Variants in IFT80 observed in about 807,000 individuals in gnomAD.
The protein encoded by IFT80 is intraflagellar transport 80.
In IFT80, 79 loss-of-function variants were observed where a neutral mutation model predicts 107.9. The ratio of observed to expected loss-of-function variants is 0.73; its 90% CI spans 0.61 to 0.88. IFT80 has a LOEUF of 0.88. IFT80 is among the 40% of genes least tolerant of loss of function. The pLI is 0.00. For missense variants in IFT80, 797 were observed against 914.2 expected (o/e 0.87, Z 1.65); for synonymous variants, 299 against 300.9 (o/e 0.99, Z 0.07).
At chr3:160,393,772 G>A (rs1298634659) in intron 1 of IFT80, among the ~76,000 whole-genome samples, 1 of 152,178 alleles carries the variant, frequency 6.6e-6, no homozygotes, top group Non-Finnish European at 1.5e-5. Context: ...GGGAGACCAT[G>A]ACTTGTCAAC....
chr3:160,345,277 T>C (rs563446831), intron 8 of IFT80, among the ~76,000 whole-genome samples: 34 of 152,286 alleles, frequency 2.2e-4, no homozygotes, highest in African/African-American at 8.2e-4. Context: ...GATCCTGTTA[T>C]TTGCAATAAC....
chr3:160,385,856 A>G (rs1712893096), intron 1 of IFT80, among the ~76,000 whole-genome samples: 1 of 152,236 alleles, frequency 6.6e-6, no homozygotes, highest in Non-Finnish European at 1.5e-5. Flanking sequence ...CTTTTTCACA[A>G]TAATTGAAAT....
chr3:160,288,579 C>A (rs1715280447), intron 12 of IFT80, among the ~76,000 whole-genome samples: 1 of 152,050 alleles, frequency 6.6e-6, no homozygotes, highest in African/African-American at 2.4e-5. Context: ...AAAATTTCTG[C>A]AAACTGTGCA....
At position 160,303,265 on chromosome 3, in the gene IFT80, A is replaced by G. The variant is rs188152835; in HGVS notation, c.1151+650T>C. ...TGTCTAAGTCCTCCTCTGATTCAGT[A>G]GGCTATCACTGTACTCAAGAGACTA... On this transcript the variant is annotated intron_variant, in intron 11 of 19. Transcript: ENST00000326448. Among the ~76,000 whole-genome samples, 472 of 152,322 alleles carry G rather than the reference A, an allele frequency of 3.1e-3. 4 individuals are homozygous for G. The highest frequency in any genetic ancestry group is 0.011 in the African/African-American group (451 of 41,572).
intron 8 of IFT80, among the ~76,000 whole-genome samples, chr3:160,348,333 A>G (rs984291380): frequency 2.0e-4 from 31 of 152,176 alleles, no homozygotes; most frequent in African/African-American, 7.5e-4. Context: ...TGCAAAGCTG[A>G]TTTTTACAAA....
chr3:160,381,870 T>G lies in IFT80; in HGVS notation c.38-146A>C. On this transcript the variant is annotated intron_variant, in intron 2 of 19. Coordinates refer to ENST00000326448, the MANE Select transcript of IFT80 (RefSeq NM_020800.3). ...TATTTTCCATTTTATGACTGGTATT[T>G]TTTTCTATATAAAAGAAAATAAGCA... 7.4e-6 allele frequency: 5 copies of G among 671,952 alleles called. No individual in the cohort carries two copies. In the South Asian group the frequency reaches 8.8e-5, roughly 12 times the overall value. The allele number at this position is 671,952 out of a possible 1,614,324, so 41.6% of individuals were successfully genotyped here.
At chr3:160,293,461 A>C (rs1481245949) in intron 12 of IFT80, among the ~76,000 whole-genome samples, 2 of 152,188 alleles carry the variant, frequency 1.3e-5, no homozygotes, top group African/African-American at 4.8e-5. Context: ...AAAGCCTCCT[A>C]TCTCTACCCA....
chr3:160,286,166 T>C (rs1476434008), intron 12 of IFT80, among the ~76,000 whole-genome samples: 8 of 152,352 alleles, frequency 5.3e-5, no homozygotes, highest in Non-Finnish European at 8.8e-5. Flanking sequence ...TTCTGATAAC[T>C]TTGATTTAAA....
intron 8 of IFT80, among the ~76,000 whole-genome samples, chr3:160,342,422 ATTT>A (rs1446630861): frequency 1.3e-5 from 2 of 152,098 alleles, no homozygotes; most frequent in Admixed American, 1.3e-4. Context: ...GGAAGAGACT[ATTT>A]TTTTCCTTCT....
chr3:160,303,875 A>C, intron 11 of IFT80, 40 bp downstream of exon 11: 1 of 1,318,042 alleles, frequency 7.6e-7, no homozygotes, highest in African/African-American at 1.4e-5. Flanking sequence ...AATGCTATTT[A>C]TTTTAACCCC....
chr3:160,385,410 C>A (rs555622192), intron 1 of IFT80, among the ~76,000 whole-genome samples: 6 of 152,276 alleles, frequency 3.9e-5, no homozygotes, highest in African/African-American at 1.4e-4. Context: ...ACTAACCTAA[C>A]TAGGCAAATG....
rs530406565 is a variant in IFT80 at position 160,373,040 on chromosome 3, T to C, written c.439+2772A>G. On this transcript the variant is annotated intron_variant, in intron 5 of 19. Transcript: ENST00000326448. ...ATTTTTATGGCATGGGATTAGGCAA[T>C]AGCTTCATCACTAGAATATCAAAAG... is the stretch of plus-strand genomic sequence containing the variant. Among the ~76,000 whole-genome samples, 18 of 152,184 alleles carry C rather than the reference T, an allele frequency of 1.2e-4. No homozygotes were observed. In the South Asian group the frequency reaches 3.5e-3, roughly 30 times the overall value.
At chr3:160,266,377 CT>C (rs1713324274) in intron 19 of IFT80, among the ~76,000 whole-genome samples, 1 of 139,564 alleles carries the variant, frequency 7.2e-6, no homozygotes, top group African/African-American at 2.6e-5. Flanking sequence ...CTCTCTTTCT[CT>C]TTTTTTCTTT....
chr3:160,371,298 A>T (rs1382739442), intron 5 of IFT80, among the ~76,000 whole-genome samples: 1 of 152,136 alleles, frequency 6.6e-6, no homozygotes, highest in African/African-American at 2.4e-5. Flanking sequence ...AGTTCAAAAG[A>T]TGCTGCAATA....
intron 6 of IFT80, among the ~76,000 whole-genome samples, chr3:160,363,484 T>A (rs552003233): frequency 6.6e-6 from 1 of 152,228 alleles, no homozygotes; most frequent in East Asian, 1.9e-4. Context: ...AAACTACCAA[T>A]CACTTTCTTC....
At chr3:160,289,417 A>G (rs981100669) in intron 12 of IFT80, among the ~76,000 whole-genome samples, 5 of 152,206 alleles carry the variant, frequency 3.3e-5, no homozygotes, top group Non-Finnish European at 5.9e-5. Context: ...AAGTTTACCT[A>G]TGTAACAAAC....
chr3:160,396,859 T>C (rs1193701639), intron 1 of IFT80, among the ~76,000 whole-genome samples: 1 of 152,200 alleles, frequency 6.6e-6, no homozygotes, highest in Non-Finnish European at 1.5e-5. Context: ...TTATTCTGAA[T>C]GTCTTATTTT....
At chr3:160,260,047 T>A (rs1357159941) in intron 19 of IFT80, among the ~76,000 whole-genome samples, 1 of 152,312 alleles carries the variant, frequency 6.6e-6, no homozygotes, top group South Asian at 2.1e-4. Flanking sequence ...TCTTTTATGC[T>A]GGAGGTTAAA....
intron 15 of IFT80, among the ~76,000 whole-genome samples, chr3:160,280,335 G>A (rs937965341): frequency 3.3e-5 from 5 of 152,148 alleles, no homozygotes; most frequent in African/African-American, 9.7e-5. Context: ...TTGGGTAGTT[G>A]TCACAAGGTT....
Sources: gnomAD v4.1 joint callset for allele counts (sites outside exome capture counted in the v4.1 genomes callset) on GRCh38, gnomAD v4.1.1 for gene constraint, MANE v1.5 for transcripts, NCBI Gene and HGNC (gene_info 2026-07-23, HGNC 2026-07-21) for gene names.